LARGE1: variants seen among roughly 807,000 people sequenced by gnomAD.
LARGE1 encodes the protein xylosyl- and glucuronyltransferase LARGE1.
A neutral mutation model predicts 87.6 loss-of-function variants in LARGE1; 43 were observed. The observed-to-expected ratio is 0.49, with a 90% CI of 0.38 to 0.63. The LOEUF (loss-of-function observed/expected upper bound fraction) is 0.63. Among genes scored for constraint, LARGE1 ranks in the 30% least tolerant of loss-of-function variants. The pLI is 0.00. For synonymous variants in LARGE1, 434 were observed against 394.6 expected, an observed-to-expected ratio of 1.10 and a Z score of -1.18; for missense variants, 802 against 1,000.2, an observed-to-expected ratio of 0.80 and a Z score of 2.67.
At chr22:33,535,624 G>C (rs1347999977) in intron 6 of LARGE1, among the ~76,000 whole-genome samples, 1 of 152,052 alleles carries the variant, frequency 6.6e-6, no homozygotes, top group Non-Finnish European at 1.5e-5. Flanking sequence ...ATAAACTGGA[G>C]AAGAGGTAGG....
At chr22:33,348,920 A>T (rs551361742) in intron 9 of LARGE1, among the ~76,000 whole-genome samples, 2 of 152,150 alleles carry the variant, frequency 1.3e-5, no homozygotes, top group African/African-American at 4.8e-5. Context: ...CTTGATTATG[A>T]ATAAGTCTCA....
intron 1 of LARGE1, among the ~76,000 whole-genome samples, chr22:33,900,370 T>G (rs1196180233): frequency 6.6e-6 from 1 of 152,156 alleles, no homozygotes; most frequent in African/African-American, 2.4e-5. Context: ...GACTTACAAT[T>G]GAAAATTCTC....
intron 2 of LARGE1, among the ~76,000 whole-genome samples, chr22:33,693,476 T>A (rs1485258380): frequency 6.6e-6 from 1 of 152,040 alleles, no homozygotes; most frequent in Non-Finnish European, 1.5e-5. Flanking sequence ...GCTCTCATTG[T>A]GTTATATATA....
the LARGE1 span, among the ~76,000 whole-genome samples, chr22:33,120,413 TCTTTCTTTCTTTC>T: frequency 0.019 from 2,757 of 142,762 alleles, 62 homozygotes; most frequent in South Asian, 0.092. Context: ...TTTCTTTCCT[TCTTTCTTTCTTTC>T]TCTCTCTCTC....
At chr22:33,191,860 G>A (rs73881985) in intron 11 of LARGE1, among the ~76,000 whole-genome samples, 4,590 of 152,234 alleles carry the variant, frequency 0.03, 95 homozygotes, top group Admixed American at 0.056. Context: ...TTCTTATGAT[G>A]TGTTCACTAA....
chr22:33,539,581 A>G (rs1307867466), intron 6 of LARGE1, among the ~76,000 whole-genome samples: 1 of 151,320 alleles, frequency 6.6e-6, no homozygotes, highest in Non-Finnish European at 1.5e-5. Flanking sequence ...ATCTAATTAA[A>G]TCCTCCAAAC....
the LARGE1 span, among the ~76,000 whole-genome samples, chr22:33,104,762 T>A: frequency 2.0e-5 from 3 of 152,212 alleles, no homozygotes; most frequent in South Asian, 6.2e-4. Flanking sequence ...TTTTCTGCCT[T>A]CCTCCCTTGT....
chr22:33,407,634 A>G (rs1005741500), intron 7 of LARGE1, among the ~76,000 whole-genome samples: 6 of 152,172 alleles, frequency 3.9e-5, no homozygotes, highest in Admixed American at 3.3e-4. Flanking sequence ...CCTATTAAGA[A>G]CATGTTATTA....
At chr22:33,264,483 A>C (rs1350113370) in intron 11 of LARGE1, among the ~76,000 whole-genome samples, 1 of 152,126 alleles carries the variant, frequency 6.6e-6, no homozygotes. Context: ...ACGTGGTGAA[A>C]TTCCTGTCTC....
chr22:33,783,178 ATC>A lies in LARGE1; in HGVS notation c.-82-21622_-82-21621del, dbSNP rs916841337. Among the ~76,000 whole-genome samples, 20 of 152,012 alleles carry A rather than the reference ATC, an allele frequency of 1.3e-4. 1 individual carries two copies. Among genetic ancestry groups the A allele is most frequent in the African/African-American group, 4.6e-4 (19 of 41,468 alleles). ...TTAGCAAAACACGTTAATCCACTGG[ATC>A]TGTTTCTCTCTCATCAGAGTGATGA... On this transcript the variant is annotated intron_variant, in intron 1 of 14. Coordinates refer to ENST00000397394, the MANE Select transcript of LARGE1 (RefSeq NM_133642.5).
intron 7 of LARGE1, among the ~76,000 whole-genome samples, chr22:33,429,903 A>G (rs2067017565): frequency 6.6e-6 from 1 of 152,134 alleles, no homozygotes; most frequent in African/African-American, 2.4e-5. Flanking sequence ...CACTGAGAAA[A>G]CAGCGTCTGG....
intron 11 of LARGE1, among the ~76,000 whole-genome samples, chr22:33,208,319 T>A (rs1335579676): frequency 6.6e-6 from 1 of 152,196 alleles, no homozygotes; most frequent in African/African-American, 2.4e-5. Context: ...ACTAAGAATA[T>A]GTCAGTCCCC....
chr22:33,451,752 T>A (rs1005152544), intron 6 of LARGE1, among the ~76,000 whole-genome samples: 1 of 151,892 alleles, frequency 6.6e-6, no homozygotes, highest in South Asian at 2.1e-4. Flanking sequence ...AGAGACGGGG[T>A]TTCACCATGT....
chr22:33,592,900 C>T (rs898275886), intron 5 of LARGE1, among the ~76,000 whole-genome samples: 32 of 151,898 alleles, frequency 2.1e-4, no homozygotes, highest in Non-Finnish European at 7.4e-5. Flanking sequence ...AGTGCAGTGG[C>T]GTGACCTTGG....
At chr22:33,399,871 G>C (rs2065879733) in intron 7 of LARGE1, among the ~76,000 whole-genome samples, 1 of 152,192 alleles carries the variant, frequency 6.6e-6, no homozygotes, top group Non-Finnish European at 1.5e-5. Context: ...TTAAGCCACT[G>C]TTTGTGGTGC....
chr22:33,690,312 T>C (rs554132868), intron 2 of LARGE1, among the ~76,000 whole-genome samples: 1 of 152,180 alleles, frequency 6.6e-6, no homozygotes, highest in Non-Finnish European at 1.5e-5. Flanking sequence ...CTTTATAAAC[T>C]GAAGATAATG....
At chr22:33,213,823 TTC>T (rs1925073258) in intron 11 of LARGE1, among the ~76,000 whole-genome samples, 1 of 152,168 alleles carries the variant, frequency 6.6e-6, no homozygotes, top group Non-Finnish European at 1.5e-5. Flanking sequence ...TTATGATATT[TTC>T]TTTTTCTTTT....
chr22:33,515,609 AC>A (rs2148470726), intron 6 of LARGE1, among the ~76,000 whole-genome samples: 1 of 152,316 alleles, frequency 6.6e-6, no homozygotes, highest in South Asian at 2.1e-4. Context: ...AACACATTCA[AC>A]GAGAAAACAG....
chr22:33,471,591 A>G (rs1334087480), intron 6 of LARGE1, among the ~76,000 whole-genome samples: 1 of 152,104 alleles, frequency 6.6e-6, no homozygotes, highest in Non-Finnish European at 1.5e-5. Context: ...TAATGCCAAT[A>G]TGGACCATGC....
Sources: allele counts gnomAD v4.1 joint callset (sites outside exome capture counted in the v4.1 genomes callset), GRCh38; gene constraint gnomAD v4.1.1; transcripts MANE v1.5; gene names NCBI Gene and HGNC (gene_info 2026-07-23, HGNC 2026-07-21).